The following PPP1R1C variants were observed in gnomAD, a reference collection of about 807,000 sequenced individuals.
The protein encoded by PPP1R1C is protein phosphatase 1 regulatory inhibitor subunit 1C.
PPP1R1C carries 15 observed loss-of-function variants against 17.4 expected under a neutral mutation model. That is an observed-to-expected ratio of 0.86 (90% CI 0.58 to 1.33). The LOEUF (loss-of-function observed/expected upper bound fraction) is 1.33, where lower values mean the gene tolerates loss of function less well. PPP1R1C is among the 40% of genes most tolerant of loss of function. The pLI, the probability that PPP1R1C is intolerant of heterozygous loss-of-function variation, is 0.00. For synonymous variants in PPP1R1C, 35 were observed against 43.1 expected (o/e 0.81, Z 0.73); for missense variants, 143 against 130.0 (o/e 1.10, Z -0.48).
intron 4 of PPP1R1C, among the ~76,000 whole-genome samples, chr2:182,094,319 C>T (rs1559090378): frequency 6.6e-6 from 1 of 152,128 alleles, no homozygotes; most frequent in Non-Finnish European, 1.5e-5. Flanking sequence ...GTCCCTCCCA[C>T]AACACGTGGG....
At chr2:182,088,352 C>A (rs1688689827) in intron 4 of PPP1R1C, among the ~76,000 whole-genome samples, 1 of 152,196 alleles carries the variant, frequency 6.6e-6, no homozygotes, top group Admixed American at 6.5e-5. Flanking sequence ...AAAACAAATA[C>A]TTCTAACATG....
chr2:182,026,817 C>T (rs1292456044), intron 2 of PPP1R1C, among the ~76,000 whole-genome samples: 5 of 150,522 alleles, frequency 3.3e-5, no homozygotes, highest in East Asian at 1.9e-4. Flanking sequence ...GCCATTTTCA[C>T]GATATTGATT....
intron 5 of PPP1R1C, among the ~76,000 whole-genome samples, chr2:182,124,516 T>C (rs1421305316): frequency 1.3e-5 from 2 of 152,058 alleles, no homozygotes; most frequent in East Asian, 1.9e-4. Flanking sequence ...ATATTGACTC[T>C]TCCTATTCAT....
intron 4 of PPP1R1C, among the ~76,000 whole-genome samples, chr2:182,102,701 A>G (rs1436821631): frequency 6.6e-6 from 1 of 152,250 alleles, no homozygotes; most frequent in South Asian, 2.1e-4. Context: ...TGTTTAAAAA[A>G]TTTTGTAACA....
At chr2:182,011,983 T>A (rs1427199318) in intron 2 of PPP1R1C, among the ~76,000 whole-genome samples, 1 of 152,092 alleles carries the variant, frequency 6.6e-6, no homozygotes, top group Non-Finnish European at 1.5e-5. Context: ...GAGAAATATT[T>A]GAAATTATTT....
At chr2:182,032,649 C>T (rs1164085682) in intron 2 of PPP1R1C, among the ~76,000 whole-genome samples, 1 of 152,140 alleles carries the variant, frequency 6.6e-6, no homozygotes, top group East Asian at 1.9e-4. Context: ...CAAAGTTAGA[C>T]TGCTTGGGTT....
intron 2 of PPP1R1C, among the ~76,000 whole-genome samples, chr2:182,012,447 T>G (rs1293540072): frequency 2.0e-5 from 3 of 152,030 alleles, no homozygotes; most frequent in African/African-American, 7.2e-5. Context: ...TTCTGGTTTT[T>G]GTTGGCATGG....
chr2:182,111,256 G>A (rs147966850), intron 4 of PPP1R1C, among the ~76,000 whole-genome samples: 1 of 152,068 alleles, frequency 6.6e-6, no homozygotes, highest in East Asian at 1.9e-4. Flanking sequence ...CTTATGAATA[G>A]CACATAAACA....
At chr2:182,014,059 G>A (rs545275124) in intron 2 of PPP1R1C, among the ~76,000 whole-genome samples, 67 of 152,100 alleles carry the variant, frequency 4.4e-4, no homozygotes, top group Non-Finnish European at 7.5e-4. Context: ...GTTAGTTGTC[G>A]AGGTCATGTT....
chr2:182,110,936 G>A (rs970154473), intron 4 of PPP1R1C, among the ~76,000 whole-genome samples: 4 of 152,004 alleles, frequency 2.6e-5, no homozygotes, highest in African/African-American at 9.7e-5. Context: ...GCACTAGAGG[G>A]GCACATGACT....
At chr2:181,989,094 GCAATTTTC>G (rs1685384279) in intron 2 of PPP1R1C, among the ~76,000 whole-genome samples, 1 of 152,100 alleles carries the variant, frequency 6.6e-6, no homozygotes, top group Non-Finnish European at 1.5e-5. Flanking sequence ...TAATTTTATA[GCAATTTTC>G]CATCACTGCC....
intron 4 of PPP1R1C, among the ~76,000 whole-genome samples, chr2:182,078,566 C>T (rs1403884846): frequency 6.6e-6 from 1 of 152,088 alleles, no homozygotes; most frequent in African/African-American, 2.4e-5. Context: ...AGTTAAAATC[C>T]TATGTATCTC....
At chr2:182,008,465 A>G (rs750590935) in intron 2 of PPP1R1C, among the ~76,000 whole-genome samples, 48 of 152,330 alleles carry the variant, frequency 3.2e-4, no homozygotes, top group Non-Finnish European at 4.9e-4. Flanking sequence ...CAGTTTTACC[A>G]CTTAGCCATC....
At chr2:182,078,597 C>T (rs1219219554) in intron 4 of PPP1R1C, among the ~76,000 whole-genome samples, 1 of 152,064 alleles carries the variant, frequency 6.6e-6, no homozygotes, top group African/African-American at 2.4e-5. Context: ...TATTGATAAC[C>T]ACCTTCATTT....
At chr2:182,052,446 C>T (rs1045848622) in intron 2 of PPP1R1C, among the ~76,000 whole-genome samples, 1 of 152,162 alleles carries the variant, frequency 6.6e-6, no homozygotes, top group Non-Finnish European at 1.5e-5. Flanking sequence ...AAAGGAATGC[C>T]TTGATAAGTG....
intron 2 of PPP1R1C, among the ~76,000 whole-genome samples, chr2:182,029,327 G>C (rs1415198427): frequency 6.6e-6 from 1 of 151,948 alleles, no homozygotes; most frequent in East Asian, 1.9e-4. Context: ...TTACATTTTG[G>C]CATGATTTTG....
intron 4 of PPP1R1C, among the ~76,000 whole-genome samples, chr2:182,082,306 A>C (rs1412410423): frequency 6.6e-6 from 1 of 152,230 alleles, no homozygotes; most frequent in Non-Finnish European, 1.5e-5. Flanking sequence ...TGCATTTAGG[A>C]TAATATTTTC....
chr2:182,082,556 G>T (rs577432290), intron 4 of PPP1R1C, among the ~76,000 whole-genome samples: 80 of 152,216 alleles, frequency 5.3e-4, no homozygotes, highest in African/African-American at 1.8e-3. Context: ...GGTCAATTCT[G>T]TCACTTGCAT....
rs1684696434 is a variant in PPP1R1C, at chr2:181,957,811, T to C, written n.111+3177T>C. Among the ~76,000 whole-genome samples, 1 of 152,184 alleles carries C rather than the reference T, an allele frequency of 6.6e-6. No individual in the cohort carries two copies. Among genetic ancestry groups the C allele is most frequent in the Non-Finnish European group, 1.5e-5 (1 of 68,022 alleles). ...CATCAGCCAATGTTGATTCTTCTGG[T>C]GGCTGAGGGTCTTGTTGGATGACTG... On this transcript the variant is annotated intron_variant and non_coding_transcript_variant, in intron 1 of 5. Transcript: ENST00000464264. The surrounding 1 kb of genome is among the most constrained non-coding windows in gnomAD (Gnocchi z 4.2).
Sources: gnomAD v4.1 joint callset for allele counts (sites outside exome capture counted in the v4.1 genomes callset) on GRCh38, gnomAD v4.1.1 for gene constraint, Gnocchi (gnomAD v3.1) non-coding constraint, MANE v1.5 for transcripts, NCBI Gene and HGNC (gene_info 2026-07-23, HGNC 2026-07-21) for gene names.